KDSR: variants seen among roughly 807,000 people sequenced by gnomAD.
KDSR encodes 3-dehydrosphinganine reductase.
Under a neutral mutation model 41.3 loss-of-function variants are expected in KDSR, and 23 were observed. The observed-to-expected ratio is 0.56, with a 90% CI of 0.40 to 0.79. The LOEUF (loss-of-function observed/expected upper bound fraction) is 0.79. KDSR is among the 30% of genes least tolerant of loss of function. The pLI is 0.00. For missense variants in KDSR, 351 were observed against 416.8 expected (o/e 0.84, Z 1.37); for synonymous variants, 138 against 151.7 (o/e 0.91, Z 0.66).
chr18:63,357,112 G>A (rs1366304549), intron 3 of KDSR, among the ~76,000 whole-genome samples: 1 of 152,116 alleles, frequency 6.6e-6, no homozygotes, highest in Non-Finnish European at 1.5e-5. Context: ...TTCTAGAAGG[G>A]AAAAAGTCAA....
intron 5 of KDSR, among the ~76,000 whole-genome samples, chr18:63,351,314 A>G (rs1047511915): frequency 6.6e-6 from 1 of 152,238 alleles, no homozygotes; most frequent in Non-Finnish European, 1.5e-5. Context: ...CTAGTCTTGC[A>G]TTCTGACCAT....
At chr18:63,342,927 G>A (rs1252413701) in intron 7 of KDSR, among the ~76,000 whole-genome samples, 2 of 152,092 alleles carry the variant, frequency 1.3e-5, no homozygotes, top group Admixed American at 6.6e-5. Flanking sequence ...TGCTATTCTC[G>A]TGATACTGAG....
intron 3 of KDSR, 135 bp downstream of exon 3, chr18:63,359,601 T>C (rs567508973): frequency 2.8e-4 from 183 of 646,076 alleles, no homozygotes; most frequent in Non-Finnish European, 4.9e-4. Context: ...ACTAGACCAT[T>C]CAAACAATTC....
chr18:63,331,278 GAGAGAGAC>G lies in KDSR; in HGVS notation c.*496_*503del, dbSNP rs199796012. Reference sequence around the variant, plus strand: ...ACACAAAGAAAGAAAGAGAGAGAGAGAGAGAGACAGAGAGACAGAGAGACAGAGAGACA... The same window carrying G: ...ACACAAAGAAAGAAAGAGAGAGAGAGAGAGAGACAGAGAGACAGAGAGACA... On this transcript the variant is annotated 3_prime_UTR_variant, in exon 10 of 10. Transcript: ENST00000645214. The G allele has an allele frequency of 0.32, 59,055 of 181,820 alleles. 6,519 individuals carry two copies. Among genetic ancestry groups the G allele is most frequent in the South Asian group, 0.44 (1,887 of 4,318 alleles). The allele number at this position is 181,820 out of a possible 1,614,324, so 11.3% of individuals were successfully genotyped here. A position where few individuals can be genotyped will look rare whatever the true frequency, so the allele number is the denominator to read the frequency against.
rs774200209 is a variant in KDSR, at chr18:63,367,115, G to A, written c.4C>T (p.Leu2=). 4 of 1,324,862 alleles carry A rather than the reference G, an allele frequency of 3.0e-6. No individual in the cohort carries two copies. The highest frequency in any genetic ancestry group is 3.9e-6 in the Non-Finnish European group (4 of 1,033,522). The allele number at this position is 1,324,862 out of a possible 1,614,324, so 82.1% of individuals were successfully genotyped here. A position where few individuals can be genotyped will look rare whatever the true frequency, so the allele number is the denominator to read the frequency against. The change falls in exon 1 of 10, where the codon CTG becomes TTG. Residue 2 remains leucine, a synonymous_variant. Transcript: ENST00000645214. ...ACGAGGAAGGCGGCAGCCAGCAGCA[G>A]CATCGCTCCGCGGGGCCAGGGGCCC... The part of the protein sequence containing the change: M[L]LLAAAFLVAF...
In KDSR at chr18:63,359,736, C is replaced by T; in HGVS notation, c.255G>A (p.Gln85=). ...EIEMHSINDK[Q]VVLCISVDVS... Reference sequence around the variant, plus strand: ...ATGCATTCTGAAGACAGAGATTTACCTGTTTGTCATTAATAGAGTGCATTT... The same window carrying T: ...ATGCATTCTGAAGACAGAGATTTACTTGTTTGTCATTAATAGAGTGCATTT... Residue 85 remains glutamine, a splice_region_variant and synonymous_variant, in exon 3 of 10, where the codon CAG becomes CAA. Transcript: ENST00000645214. 2.5e-6 allele frequency: 4 copies of T among 1,592,198 alleles called. No homozygotes were observed. The highest frequency in any genetic ancestry group is 3.4e-6 in the Non-Finnish European group (4 of 1,161,514).
intron 6 of KDSR, chr18:63,346,426 T>G (rs1424042471): frequency 1.3e-5 from 2 of 152,288 alleles, no homozygotes; most frequent in African/African-American, 4.8e-5. Flanking sequence ...GCAGCCCACA[T>G]AAAGACTGAC....
intron 1 of KDSR, chr18:63,366,620 T>G (rs546428155): frequency 6.1e-6 from 1 of 163,694 alleles, no homozygotes; most frequent in African/African-American, 2.4e-5. Flanking sequence ...CCGACCGCTG[T>G]GTCCTTGGCA....
intron 5 of KDSR, 129 bp from the exon 6 acceptor site, chr18:63,351,208 T>A: frequency 1.6e-6 from 1 of 626,354 alleles, no homozygotes; most frequent in South Asian, 2.3e-5. Context: ...ACAGGCTTGC[T>A]GAATGAATGA....
At position 63,367,014 on chromosome 18, in the gene KDSR, C is replaced by T; in HGVS notation, c.105G>A (p.Val35=). 7.6e-7 allele frequency: 1 copy of T among 1,311,092 alleles called. No individual in the cohort carries two copies. The highest frequency in any genetic ancestry group is 9.8e-7 in the Non-Finnish European group (1 of 1,020,570). 81.2% of individuals were successfully genotyped at this position (1,311,092 alleles called of 1,614,324 possible). Residue 35 remains valine, a synonymous_variant, in exon 1 of 10, where the codon GTG becomes GTA. Transcript: ENST00000645214. ...GCAGCAACAGGAGGCCACTCACCAC[C>T]ACATGCGCCCCGGGCAGGGCGAGGG... ...PKPLALPGAH[V]VVTGGSSGIG...
In KDSR at chr18:63,331,631, C is replaced by G; in HGVS notation, c.*151G>C. 1.5e-6 allele frequency: 1 copy of G among 657,478 alleles called. No individual in the cohort carries two copies. Among genetic ancestry groups the G allele is most frequent in the South Asian group, 2.1e-5 (1 of 46,738 alleles). The allele number at this position is 657,478 out of a possible 1,614,324, so 40.7% of individuals were successfully genotyped here. A position where few individuals can be genotyped will look rare whatever the true frequency, so the allele number is the denominator to read the frequency against. ...CTGTCAGGAGGTGAACTTCTAGCCCCTTGCTTGCAGCCACATTCCTGAAGA... is the reference window on the plus strand; with the variant it reads ...CTGTCAGGAGGTGAACTTCTAGCCCGTTGCTTGCAGCCACATTCCTGAAGA... On this transcript the variant is annotated 3_prime_UTR_variant, in exon 10 of 10. Transcript: ENST00000645214.
chr18:63,337,000 G>T (rs1914178459), intron 8 of KDSR, among the ~76,000 whole-genome samples: 1 of 151,286 alleles, frequency 6.6e-6, no homozygotes, highest in South Asian at 2.1e-4. Flanking sequence ...CAATGCCACC[G>T]TCCTCACTGA....
In KDSR at chr18:63,331,861, TA is replaced by T. The variant is rs867247369; in HGVS notation, c.919del (p.Tyr307ThrfsTer8). 1 of 1,613,872 alleles carries T rather than the reference TA, an allele frequency of 6.2e-7. No homozygotes were observed. The highest frequency in any genetic ancestry group is 8.5e-7 in the Non-Finnish European group (1 of 1,179,880). ...MGLFRTIALF[Y>X]LGSFDSIVRR... ...AACTATGCTGTCAAAACTTCCAAGG[TA>T]AAACAAAGCAATAGTGCGGAAAAGG... On this transcript the variant is annotated frameshift_variant, in exon 10 of 10. Coordinates refer to ENST00000645214, the MANE Select transcript of KDSR (RefSeq NM_002035.4). LOFTEE classifies it high-confidence loss of function.
intron 7 of KDSR, 117 bp downstream of exon 7, chr18:63,344,293 C>T (rs1024713306): frequency 6.3e-6 from 4 of 630,736 alleles, no homozygotes; most frequent in Non-Finnish European, 1.1e-5. Context: ...ACCAGCTAGG[C>T]ACTCTACCCA....
intron 1 of KDSR, among the ~76,000 whole-genome samples, chr18:63,364,033 C>T (rs1363512543): frequency 6.6e-6 from 1 of 152,144 alleles, no homozygotes; most frequent in African/African-American, 2.4e-5. Flanking sequence ...GGTGGGTAAT[C>T]AGCCAGTTAT....
In KDSR at chr18:63,350,909, C is replaced by A; in HGVS notation, c.588G>T (p.Leu196Phe). The A allele has an allele frequency of 6.2e-7, 1 of 1,612,868 alleles. No individual in the cohort carries two copies. Among genetic ancestry groups the A allele is most frequent in the Non-Finnish European group, 8.5e-7 (1 of 1,179,370 alleles). Residue 196 changes from leucine (L) to phenylalanine (F), a missense_variant, in exon 6 of 10, where the codon TTG (leucine) becomes TTT (phenylalanine). Transcript: ENST00000645214. Reference sequence around the variant, plus strand: ...TTACCTCCATCTGCAAAGCTTCTGCCAATCCCCTTATGGCAAACTTGGATG... The same window carrying A: ...TTACCTCCATCTGCAAAGCTTCTGCAAATCCCCTTATGGCAAACTTGGATG... ...YSASKFAIRG[L>F]AEALQMEVKP...
chr18:63,361,939 C>T (rs1706165950), intron 2 of KDSR, among the ~76,000 whole-genome samples: 1 of 152,200 alleles, frequency 6.6e-6, no homozygotes, highest in Non-Finnish European at 1.5e-5. Flanking sequence ...AGCCCTCCAC[C>T]CATTTGAGGA....
rs185019005 is a variant in KDSR at position 63,356,282 on chromosome 18, C to T, written c.256-719G>A. On this transcript the variant is annotated intron_variant, in intron 3 of 9. Transcript: ENST00000645214. ...GGCGTGGTGGTGGGCACTTATAATC[C>T]CAGCTACTCAGGAGACTGAGGCAGG... 1.5e-4 allele frequency among the ~76,000 whole-genome samples: 23 copies of T among 151,900 alleles called. 1 individual carries two copies. The highest frequency in any genetic ancestry group is 4.6e-4 in the Admixed American group (7 of 15,264).
chr18:63,334,440 T>TC, intron 9 of KDSR, among the ~76,000 whole-genome samples: 1 of 149,864 alleles, frequency 6.7e-6, no homozygotes, highest in Admixed American at 6.8e-5. Flanking sequence ...AACCTCCACC[T>TC]CCCGGGTTCA....
Sources: gnomAD v4.1 joint callset for allele counts (sites outside exome capture counted in the v4.1 genomes callset) on GRCh38, gnomAD v4.1.1 for gene constraint, MANE v1.5 for transcripts, NCBI Gene and HGNC (gene_info 2026-07-23, HGNC 2026-07-21) for gene names.